Variants in ACSF3 observed in about 807,000 individuals in gnomAD.
ACSF3 encodes the protein acyl-CoA synthetase family member 3, also known as malonate--CoA ligase ACSF3, mitochondrial.
Under a neutral mutation model 53.2 loss-of-function variants are expected in ACSF3, and 78 were observed. The ratio of observed to expected loss-of-function variants is 1.47; its 90% CI spans 1.22 to 1.77. The LOEUF (loss-of-function observed/expected upper bound fraction) is 1.77. Ranked by LOEUF, ACSF3 falls within the 40% of genes most tolerant of loss-of-function variation. The pLI, the probability that ACSF3 is intolerant of heterozygous loss-of-function variation, is 0.00. For missense variants in ACSF3, 937 were observed against 771.1 expected (o/e 1.22, Z -2.55); for synonymous variants, 414 against 333.1 (o/e 1.24, Z -2.65).
chr16:89,096,398 G>T (rs1361737147), intron 1 of ACSF3, among the ~76,000 whole-genome samples: 1 of 152,192 alleles, frequency 6.6e-6, no homozygotes, highest in Non-Finnish European at 1.5e-5. Flanking sequence ...ACCGGGAGGT[G>T]TGCAGGAAGA....
chr16:89,117,842 G>C (rs1905454922), intron 6 of ACSF3, among the ~76,000 whole-genome samples: 1 of 152,172 alleles, frequency 6.6e-6, no homozygotes, highest in Non-Finnish European at 1.5e-5. Context: ...GAAGCTTCAG[G>C]GTTATTGGGC....
In ACSF3 at chr16:89,122,326, A is replaced by T; in HGVS notation, c.1239+1413A>T. ...GCCATGGGGCAACTTGCTGAAACCC[A>T]CCTGGGTGGCTGCCCCTTGCTATAC... On this transcript the variant is annotated intron_variant, in intron 7 of 10. Coordinates refer to ENST00000614302, the MANE Select transcript of ACSF3 (RefSeq NM_001243279.3). The T allele has an allele frequency of 5.4e-6, 2 of 369,070 alleles. 1 individual carries two copies. Among genetic ancestry groups the T allele is most frequent in the South Asian group, 3.9e-5 (2 of 51,134 alleles). 22.9% of individuals were successfully genotyped at this position (369,070 alleles called of 1,614,324 possible).
At chr16:89,126,304 T>A (rs1397316448) in intron 7 of ACSF3, among the ~76,000 whole-genome samples, 1 of 152,154 alleles carries the variant, frequency 6.6e-6, no homozygotes, top group Non-Finnish European at 1.5e-5. Flanking sequence ...AATCTTGTCC[T>A]TTCGCCCAGG....
At chr16:89,120,132 G>T (rs1255554815) in intron 6 of ACSF3, among the ~76,000 whole-genome samples, 1 of 152,202 alleles carries the variant, frequency 6.6e-6, no homozygotes, top group Admixed American at 6.5e-5. Flanking sequence ...TGTGCCGGCG[G>T]GACACGTCTC....
At chr16:89,115,018 A>G (rs145135252) in intron 6 of ACSF3, 157 of 245,116 alleles carry the variant, frequency 6.4e-4, no homozygotes, top group African/African-American at 3.1e-3. Context: ...TCCCATTCTG[A>G]CTTTCATCTG....
chr16:89,121,228 A>G (rs763313528), intron 7 of ACSF3, among the ~76,000 whole-genome samples: 2 of 152,248 alleles, frequency 1.3e-5, no homozygotes, highest in Non-Finnish European at 2.9e-5. Flanking sequence ...GACGTGGGCC[A>G]TGATGGCCTT....
chr16:89,145,165 C>T, intron 8 of ACSF3, 102 bp from the exon 9 acceptor site: 2 of 1,612,508 alleles, frequency 1.2e-6, no homozygotes, highest in East Asian at 2.2e-5. Context: ...CCTCAGAGGA[C>T]ACCGTGGTGT....
At chr16:89,128,525 G>T (rs1567722228) in intron 7 of ACSF3, among the ~76,000 whole-genome samples, 1 of 152,080 alleles carries the variant, frequency 6.6e-6, no homozygotes, top group Admixed American at 6.5e-5. Context: ...TTCCCAAAGT[G>T]CTGAGATTAC....
chr16:89,136,941 A>T (rs1206141047), intron 8 of ACSF3: 1 of 1,108,292 alleles, frequency 9.0e-7, no homozygotes, highest in African/African-American at 1.6e-5. Context: ...GTCTCAGGTA[A>T]CTCCTCTGAC....
chr16:89,124,171 A>C lies in ACSF3; in HGVS notation c.1239+3258A>C, dbSNP rs111454245. Among the ~76,000 whole-genome samples the C allele has an allele frequency of 2.1e-3, 317 of 152,238 alleles. 2 individuals are homozygous for C. The highest frequency in any genetic ancestry group is 7.3e-3 in the African/African-American group (305 of 41,532). On this transcript the variant is annotated intron_variant, in intron 7 of 10. Coordinates refer to ENST00000614302, the MANE Select transcript of ACSF3 (RefSeq NM_001243279.3). ...ACACAAGTATCACACACACATACAC[A>C]TTGTGTGTGCACAGCTGTTACACAC...
chr16:89,100,392 C>G (rs1229060307), intron 2 of ACSF3, among the ~76,000 whole-genome samples: 1 of 152,204 alleles, frequency 6.6e-6, no homozygotes, highest in Non-Finnish European at 1.5e-5. Context: ...TTGGTTTTAC[C>G]TAGTTTATTT....
In ACSF3 at chr16:89,098,500, G is replaced by A. The variant is rs553426026; in HGVS notation, c.-193-91G>A. 183 of 366,772 alleles carry A rather than the reference G, an allele frequency of 5.0e-4. 3 individuals are homozygous for A. The highest frequency in any genetic ancestry group is 3.5e-3 in the African/African-American group (166 of 47,426). The allele number at this position is 366,772 out of a possible 1,614,324, so 22.7% of individuals were successfully genotyped here. A position where few individuals can be genotyped will look rare whatever the true frequency, so the allele number is the denominator to read the frequency against. ...TTGTCTTTAGCTTGTAAATGAACAT[G>A]CTTCCCTTCCCCCATTGAGTGTTGA... On this transcript the variant is annotated intron_variant, in intron 1 of 10. Coordinates refer to ENST00000614302, the MANE Select transcript of ACSF3 (RefSeq NM_001243279.3).
intron 4 of ACSF3, among the ~76,000 whole-genome samples, chr16:89,104,868 A>G (rs1369284427): frequency 2.0e-5 from 3 of 152,350 alleles, no homozygotes; most frequent in African/African-American, 7.2e-5. Context: ...TGTACGAGCA[A>G]GTGAGCCTGT....
At chr16:89,106,987 C>T (rs1326791735) in intron 4 of ACSF3, among the ~76,000 whole-genome samples, 1 of 152,216 alleles carries the variant, frequency 6.6e-6, no homozygotes, top group African/African-American at 2.4e-5. Flanking sequence ...ATCAGTCACT[C>T]GTCTCCAACA....
intron 6 of ACSF3, among the ~76,000 whole-genome samples, chr16:89,117,800 T>A (rs368241083): frequency 2.9e-4 from 44 of 151,316 alleles, no homozygotes; most frequent in Non-Finnish European, 1.5e-4. Context: ...GGGAGAGGAG[T>A]CCCCGGCTGA....
chr16:89,154,759 C>G lies in ACSF3; in HGVS notation c.*552C>G. ...CATGGGTTCCGTGCATTTCCTGGTG[C>G]TGCTCTTGGAGGAGAGCAGCTCCCA... On this transcript the variant is annotated 3_prime_UTR_variant, in exon 11 of 11. Coordinates refer to ENST00000614302, the MANE Select transcript of ACSF3 (RefSeq NM_001243279.3). 1 of 454,162 alleles carries G rather than the reference C, an allele frequency of 2.2e-6. No homozygotes were observed. The highest frequency in any genetic ancestry group is 4.4e-6 in the Non-Finnish European group (1 of 226,788). 28.1% of individuals were successfully genotyped at this position (454,162 alleles called of 1,614,324 possible). A position where few individuals can be genotyped will look rare whatever the true frequency, so the allele number is the denominator to read the frequency against.
At chr16:89,150,826 C>T in intron 10 of ACSF3, 1 of 446,166 alleles carries the variant, frequency 2.2e-6, no homozygotes, top group South Asian at 2.0e-5. Flanking sequence ...CTGAGTCCTG[C>T]TTGCTGTGCC....
chr16:89,131,373 G>A (rs557644877), intron 7 of ACSF3, among the ~76,000 whole-genome samples: 6 of 151,792 alleles, frequency 4.0e-5, no homozygotes, highest in Admixed American at 2.0e-4. Flanking sequence ...CAGTCTGCCC[G>A]CCTCAGCCTC....
chr16:89,101,191 C>T lies in ACSF3; in HGVS notation c.510C>T (p.Leu170=), dbSNP rs1400761806. The change falls in exon 3 of 11, where the codon CTC becomes CTT. Residue 170 remains leucine, a synonymous_variant. Coordinates refer to ENST00000614302, the MANE Select transcript of ACSF3 (RefSeq NM_001243279.3). ...VRKLGVPLLP[L]TPAIYTGAVE... Reference sequence around the variant, plus strand: ...AGCTGGGGGTCCCGCTGCTGCCGCTCACACCAGCCATCTACACTGGAGCAG... The same window carrying T: ...AGCTGGGGGTCCCGCTGCTGCCGCTTACACCAGCCATCTACACTGGAGCAG... 1 of 1,604,844 alleles carries T rather than the reference C, an allele frequency of 6.2e-7. No individual in the cohort carries two copies. The highest frequency in any genetic ancestry group is 8.5e-7 in the Non-Finnish European group (1 of 1,176,192).
Sources: gnomAD v4.1 joint callset for allele counts (sites outside exome capture counted in the v4.1 genomes callset) on GRCh38, gnomAD v4.1.1 for gene constraint, MANE v1.5 for transcripts, NCBI Gene and HGNC (gene_info 2026-07-23, HGNC 2026-07-21) for gene names.